The following PDZD7 variants were observed in gnomAD, a reference collection of about 807,000 sequenced individuals.
PDZD7 encodes PDZ domain-containing protein 7.
A neutral mutation model predicts 84.7 loss-of-function variants in PDZD7; 72 were observed. That is an observed-to-expected ratio of 0.85 (90% CI 0.70 to 1.03). The LOEUF (loss-of-function observed/expected upper bound fraction) is 1.03, where lower values mean the gene tolerates loss of function less well. Among genes scored for constraint, PDZD7 ranks in the 50% least tolerant of loss-of-function variants. PDZD7 has a pLI of 0.00. For missense variants in PDZD7, 1,490 were observed against 1,412.9 expected (o/e 1.05, Z -0.87); for synonymous variants, 594 against 580.7 (o/e 1.02, Z -0.33).
intron 4 of PDZD7, chr10:101,022,989 C>T (rs886635793): frequency 4.7e-6 from 1 of 212,542 alleles, no homozygotes; most frequent in Admixed American, 5.5e-5. Flanking sequence ...TCAGGCTGGT[C>T]TTGAACTCCC....
Position 101,012,189 on chromosome 10 carries a change from G to T in PDZD7, c.1819C>A (p.Leu607Met). 6.4e-7 allele frequency: 1 copy of T among 1,550,470 alleles called. No homozygotes were observed. Among genetic ancestry groups the T allele is most frequent in the Non-Finnish European group, 8.7e-7 (1 of 1,146,984 alleles). The change falls in exon 12 of 17, where the codon CTG becomes ATG. Residue 607 changes from leucine to methionine, a missense_variant. Coordinates refer to ENST00000619208, the MANE Select transcript of PDZD7 (RefSeq NM_001195263.2). ...CACCTGATGTCCTGCAGCAGTAGCAGCTTCTCCGGCCTGTCGAGGATGGCC... is the reference window on the plus strand; with the variant it reads ...CACCTGATGTCCTGCAGCAGTAGCATCTTCTCCGGCCTGTCGAGGATGGCC... ...LLAILDRPEK[L>M]LLLQDIRSVV...
rs1444319023 is a variant in PDZD7 at position 101,029,334 on chromosome 10, C to G, written c.226+660G>C. Among the ~76,000 whole-genome samples, 4 of 152,034 alleles carry G rather than the reference C, an allele frequency of 2.6e-5. No homozygotes were observed. The South Asian group carries it at 8.3e-4, about 31-fold the overall frequency. ...AGATTCCTGGAAGGTGAAGAGGGAG[C>G]CTGATTTCTCTCTAGGTCCCTTGTA... On this transcript the variant is annotated intron_variant, in intron 2 of 16. Transcript: ENST00000619208.
rs761425964 is a variant in PDZD7 at position 101,018,119 on chromosome 10, G to A, written c.1502C>T (p.Pro501Leu). ...CTTACCTTTCTCTATGTCCAGGCGA[G>A]GGTAAGTTTTGGCCAGGCTCCCGCT... ...LDSGSLAKTY[P>L]RLDIEKAGGV... The change falls in exon 9 of 17, where the codon CCT (proline) becomes CTT (leucine). Residue 501 changes from proline (P) to leucine (L), a missense_variant. Transcript: ENST00000619208. 1.9e-6 allele frequency: 3 copies of A among 1,614,206 alleles called. No homozygotes were observed. Among genetic ancestry groups the A allele is most frequent in the Non-Finnish European group, 2.5e-6 (3 of 1,180,044 alleles).
intron 6 of PDZD7, 98 bp downstream of exon 6, chr10:101,021,700 G>A (rs1033803517): frequency 1.9e-6 from 3 of 1,552,310 alleles, no homozygotes; most frequent in Non-Finnish European, 2.7e-6. Flanking sequence ...TAGTGGCTGT[G>A]GGAACGTCAT....
chr10:101,023,478 C>A lies in PDZD7; in HGVS notation c.500G>T (p.Gly167Val). 2 of 1,614,100 alleles carry A rather than the reference C, an allele frequency of 1.2e-6. No homozygotes were observed. The highest frequency in any genetic ancestry group is 1.7e-6 in the Non-Finnish European group (2 of 1,180,026). The stretch of plus-strand genomic sequence containing the variant: ...GGAGAACTTGATGCCCGGCACACGG[C>A]CCATGCGCCGAACCATCATGTGCAG... Reference protein sequence around the residue: ...SRLHMMVRRMGRVPGIKFSKE... With the variant: ...SRLHMMVRRMVRVPGIKFSKE... Residue 167 changes from glycine to valine, a missense_variant, in exon 4 of 17, where the codon GGC (glycine) becomes GTC (valine). Physicochemically the swap from Gly to Val is moderately radical, Grantham distance 109. Coordinates refer to ENST00000619208, the MANE Select transcript of PDZD7 (RefSeq NM_001195263.2).
At chr10:101,012,054 A>G in intron 12 of PDZD7, 38 bp from the exon 13 acceptor site, 2 of 1,542,908 alleles carry the variant, frequency 1.3e-6, no homozygotes, top group Non-Finnish European at 8.8e-7. Flanking sequence ...TGGGAGGGGC[A>G]GGCAGGATTT....
At chr10:101,024,299 A>G (rs1341529709) in intron 2 of PDZD7, among the ~76,000 whole-genome samples, 1 of 152,134 alleles carries the variant, frequency 6.6e-6, no homozygotes, top group Admixed American at 6.5e-5. Flanking sequence ...GCTGGAGTGC[A>G]GTGGTGTGAT....
At chr10:101,023,736 C>T in intron 3 of PDZD7, 126 bp from the exon 4 acceptor site, 1 of 1,433,032 alleles carries the variant, frequency 7.0e-7, no homozygotes, top group Non-Finnish European at 9.6e-7. Context: ...AGAGCAGGGG[C>T]TGAGTGTTCC....
At position 101,021,875 on chromosome 10, in the gene PDZD7, C is replaced by T. The variant is rs1249336656; in HGVS notation, c.790G>A (p.Val264Ile). 6.2e-7 allele frequency: 1 copy of T among 1,614,208 alleles called. No individual in the cohort carries two copies. Among genetic ancestry groups the T allele is most frequent in the Non-Finnish European group, 8.5e-7 (1 of 1,180,032 alleles). ...VGDQVLAANGVRFDDISHSQA... is the reference protein window; with the variant it reads ...VGDQVLAANGIRFDDISHSQA... ...CTGTGGCTGATGTCGTCAAACCTGA[C>T]ACCGTTGGCTGCCAGGACCTGGTCC... is the stretch of plus-strand genomic sequence containing the variant. The change falls in exon 6 of 17, where the codon GTC (valine) becomes ATC (isoleucine). Residue 264 changes from valine (V) to isoleucine (I), a missense_variant. Transcript: ENST00000619208.
At chr10:101,014,001 C>T (rs532515027) in intron 11 of PDZD7, among the ~76,000 whole-genome samples, 1 of 147,158 alleles carries the variant, frequency 6.8e-6, no homozygotes, top group Non-Finnish European at 1.5e-5. Flanking sequence ...AGGCGCCCAC[C>T]ACCATGCCCA....
At position 101,023,625 on chromosome 10, in the gene PDZD7, G is replaced by A. The variant is rs1307958117; in HGVS notation, c.368-15C>T. 1 of 1,609,454 alleles carries A rather than the reference G, an allele frequency of 6.2e-7. No homozygotes were observed. The highest frequency in any genetic ancestry group is 8.5e-7 in the Non-Finnish European group (1 of 1,179,996). Reference sequence around the variant, plus strand: ...GCCAGCCCGCTCTGCACCACAGGATGGGAGTGGCTGGCATGGGTCCCCAGG... The same window carrying A: ...GCCAGCCCGCTCTGCACCACAGGATAGGAGTGGCTGGCATGGGTCCCCAGG... On this transcript the variant is annotated splice_polypyrimidine_tract_variant and intron_variant, in intron 3 of 16. Coordinates refer to ENST00000619208, the MANE Select transcript of PDZD7 (RefSeq NM_001195263.2).
chr10:101,014,544 C>T lies in PDZD7; in HGVS notation c.1749+1092G>A, dbSNP rs115338576. Among the ~76,000 whole-genome samples, 224 of 152,290 alleles carry T rather than the reference C, an allele frequency of 1.5e-3. 1 individual carries two copies. The highest frequency in any genetic ancestry group is 5.2e-3 in the African/African-American group (216 of 41,552). On this transcript the variant is annotated intron_variant, in intron 11 of 16. Coordinates refer to ENST00000619208, the MANE Select transcript of PDZD7 (RefSeq NM_001195263.2). The stretch of plus-strand genomic sequence containing the variant: ...CGCTGGGAGCTAAGGGTGACACTTT[C>T]TGAGTTTAGCCCAAAGCCCCTTAGC...
At chr10:101,016,492 G>C (rs1852638071) in intron 9 of PDZD7, 65 bp from the exon 10 acceptor site, 1 of 1,501,436 alleles carries the variant, frequency 6.7e-7, no homozygotes, top group African/African-American at 1.4e-5. Context: ...GGTTCAGGAG[G>C]GCTCAGGACA....
chr10:101,017,990 G>T, intron 9 of PDZD7, 109 bp downstream of exon 9: 2 of 1,334,400 alleles, frequency 1.5e-6, no homozygotes, highest in South Asian at 1.2e-5. Context: ...CAGGGGTTGA[G>T]TAGGGACTCA....
chr10:101,010,948 GTT>G (rs1852375447), intron 14 of PDZD7, 65 bp from the exon 15 acceptor site: 1 of 1,501,408 alleles, frequency 6.7e-7, no homozygotes, highest in Non-Finnish European at 8.8e-7. Flanking sequence ...CCTTGCTTTG[GTT>G]TGTGTGGGGC....
intron 3 of PDZD7, 115 bp from the exon 4 acceptor site, chr10:101,023,725 C>T (rs990414059): frequency 4.1e-5 from 60 of 1,459,790 alleles, no homozygotes; most frequent in Middle Eastern, 2.1e-4. Flanking sequence ...TGAGGATTGT[C>T]AGAGCAGGGG....
intron 14 of PDZD7, 180 bp from the exon 15 acceptor site, chr10:101,011,063 T>G (rs1852379371): frequency 1.4e-6 from 2 of 1,433,166 alleles, no homozygotes; most frequent in Admixed American, 5.6e-5. Context: ...ATTTATTTAT[T>G]TGAGATGGAA....
chr10:101,022,098 C>A, intron 5 of PDZD7, 111 bp downstream of exon 5: 2 of 1,562,718 alleles, frequency 1.3e-6, no homozygotes, highest in Admixed American at 3.6e-5. Flanking sequence ...CTCACTGAGA[C>A]AGGTGGTTGG....
At chr10:101,022,559 C>G (rs998067048) in intron 4 of PDZD7, among the ~76,000 whole-genome samples, 174 bp from the exon 5 acceptor site, 8 of 151,110 alleles carry the variant, frequency 5.3e-5, no homozygotes, top group African/African-American at 1.9e-4. Flanking sequence ...CTAATTGCCT[C>G]TTTTTATTGA....
Sources: allele counts gnomAD v4.1 joint callset (sites outside exome capture counted in the v4.1 genomes callset), GRCh38; gene constraint gnomAD v4.1.1; transcripts MANE v1.5; gene names NCBI Gene and HGNC (gene_info 2026-07-23, HGNC 2026-07-21).